Variants in IQCJ observed in about 807,000 individuals in gnomAD.
IQCJ encodes IQ domain-containing protein J.
Under a neutral mutation model 11.0 loss-of-function variants are expected in IQCJ, and 9 were observed. That is an observed-to-expected ratio of 0.82 (90% CI 0.49 to 1.43). The LOEUF (loss-of-function observed/expected upper bound fraction) is 1.43, where lower values mean the gene tolerates loss of function less well. Among genes scored for constraint, IQCJ ranks in the 40% most tolerant of loss-of-function variants. The pLI is 0.00. For synonymous variants in IQCJ, 55 were observed against 51.3 expected (o/e 1.07, Z -0.31); for missense variants, 146 against 133.2 (o/e 1.10, Z -0.47).
chr3:159,093,474 C>T (rs1717491512), intron 1 of IQCJ, among the ~76,000 whole-genome samples: 1 of 151,868 alleles, frequency 6.6e-6, no homozygotes, highest in East Asian at 1.9e-4. Context: ...ATAAAATGCT[C>T]CACTTTTGAG....
chr3:159,131,227 C>A (rs1194318740), intron 1 of IQCJ, among the ~76,000 whole-genome samples: 1 of 152,128 alleles, frequency 6.6e-6, no homozygotes, highest in Non-Finnish European at 1.5e-5. Flanking sequence ...AGTTTCTTGA[C>A]ATGTCAAATA....
intron 1 of IQCJ, among the ~76,000 whole-genome samples, chr3:159,081,212 A>T (rs1716284668): frequency 6.6e-6 from 1 of 152,108 alleles, no homozygotes; most frequent in Admixed American, 6.6e-5. Context: ...TCATGAATAC[A>T]GAGACAGGAA....
chr3:159,142,130 A>C, intron 1 of IQCJ, among the ~76,000 whole-genome samples: 1 of 152,168 alleles, frequency 6.6e-6, no homozygotes, highest in East Asian at 1.9e-4. Flanking sequence ...TTGAACAGCT[A>C]GTTGTCACAG....
At chr3:159,241,843 A>C (rs1726941048) in intron 1 of IQCJ, among the ~76,000 whole-genome samples, 1 of 152,244 alleles carries the variant, frequency 6.6e-6, no homozygotes, top group Non-Finnish European at 1.5e-5. Context: ...GAGACAATCA[A>C]ACACAAATAC....
intron 1 of IQCJ, among the ~76,000 whole-genome samples, chr3:159,208,651 G>A (rs1161625033): frequency 1.3e-5 from 2 of 152,112 alleles, no homozygotes; most frequent in East Asian, 1.9e-4. Flanking sequence ...AGGGGTCTTT[G>A]GATTAACCCA....
chr3:159,175,689 C>T (rs1226678962), intron 1 of IQCJ, among the ~76,000 whole-genome samples: 2 of 152,022 alleles, frequency 1.3e-5, no homozygotes, highest in South Asian at 4.1e-4. Flanking sequence ...CTTTTTATTA[C>T]TAATTAGTAT....
At chr3:159,109,527 T>TAAAAAAAAAAA (rs3051445) in intron 1 of IQCJ, among the ~76,000 whole-genome samples, 17 of 122,558 alleles carry the variant, frequency 1.4e-4, no homozygotes, top group South Asian at 6.0e-4. Context: ...TTGTATTAAC[T>TAAAAAAAAAAA]AAAAAAAAAA....
chr3:159,262,158 A>G (rs143382346), intron 3 of IQCJ, among the ~76,000 whole-genome samples: 229 of 152,394 alleles, frequency 1.5e-3, no homozygotes, highest in African/African-American at 5.2e-3. Context: ...CATTGAGTGC[A>G]TGCAGTAGTA....
At chr3:159,092,699 AACACACAC>A (rs57083405) in intron 1 of IQCJ, among the ~76,000 whole-genome samples, 2 of 141,598 alleles carry the variant, frequency 1.4e-5, no homozygotes, top group Non-Finnish European at 3.0e-5. Flanking sequence ...CTCCATCACA[AACACACAC>A]ACACACACAC....
At chr3:159,227,175 C>T (rs929614967) in intron 1 of IQCJ, among the ~76,000 whole-genome samples, 4 of 151,886 alleles carry the variant, frequency 2.6e-5, no homozygotes, top group Admixed American at 6.6e-5. Context: ...TTGATAGCAA[C>T]GAACAAAGAA....
chr3:159,075,936 G>T (rs1416094102), intron 1 of IQCJ, among the ~76,000 whole-genome samples: 1 of 152,086 alleles, frequency 6.6e-6, no homozygotes, highest in Admixed American at 6.6e-5. Flanking sequence ...GTGAGCAGAA[G>T]CAGTGATTGG....
chr3:159,069,614 T>C (rs1475885046), intron 1 of IQCJ, 173 bp downstream of exon 1: 4 of 829,190 alleles, frequency 4.8e-6, no homozygotes, highest in Non-Finnish European at 7.3e-6. Flanking sequence ...TGTGTCCTTG[T>C]TAATGTAGGC....
chr3:159,085,098 T>C (rs1716628106), intron 1 of IQCJ, among the ~76,000 whole-genome samples: 3 of 150,066 alleles, frequency 2.0e-5, no homozygotes, highest in Non-Finnish European at 4.4e-5. Flanking sequence ...CCCCAGAGTG[T>C]GATGTTCCCC....
intron 1 of IQCJ, among the ~76,000 whole-genome samples, chr3:159,196,014 A>T (rs989678647): frequency 6.6e-6 from 1 of 152,214 alleles, no homozygotes; most frequent in Non-Finnish European, 1.5e-5. Flanking sequence ...ACACATTAGT[A>T]TACTTACCCT....
intron 1 of IQCJ, among the ~76,000 whole-genome samples, chr3:159,162,531 C>A (rs1228504941): frequency 6.6e-6 from 1 of 152,136 alleles, no homozygotes; most frequent in Non-Finnish European, 1.5e-5. Flanking sequence ...ATTTCCTTCT[C>A]CTGCCTAATT....
chr3:159,214,304 C>A (rs145275461), intron 1 of IQCJ, among the ~76,000 whole-genome samples: 181 of 152,162 alleles, frequency 1.2e-3, no homozygotes, highest in African/African-American at 4.0e-3. Flanking sequence ...TTTCCTGGTA[C>A]AACCTGGGGG....
chr3:159,133,880 G>A (rs1559997911), intron 1 of IQCJ, among the ~76,000 whole-genome samples: 3 of 151,678 alleles, frequency 2.0e-5, no homozygotes, highest in Non-Finnish European at 4.4e-5. Flanking sequence ...ATTTTTGCGA[G>A]TCAAGAGTCA....
intron 1 of IQCJ, among the ~76,000 whole-genome samples, chr3:159,216,557 T>G (rs75152491): frequency 0.016 from 2,483 of 152,258 alleles, 76 homozygotes; most frequent in African/African-American, 0.056. Context: ...GGATTCTCAT[T>G]AGTCGGTAAC....
chr3:159,141,516 C>T (rs1720602819), intron 1 of IQCJ, among the ~76,000 whole-genome samples: 1 of 152,184 alleles, frequency 6.6e-6, no homozygotes, highest in Admixed American at 6.5e-5. Flanking sequence ...CACCTGTAAC[C>T]ATGACTACAA....
Sources: allele counts gnomAD v4.1 joint callset (sites outside exome capture counted in the v4.1 genomes callset), GRCh38; gene constraint gnomAD v4.1.1; transcripts MANE v1.5; gene names NCBI Gene and HGNC (gene_info 2026-07-23, HGNC 2026-07-21).